ADAM32: variants seen among roughly 807,000 people sequenced by gnomAD.
ADAM32 encodes disintegrin and metalloproteinase domain-containing protein 32.
In ADAM32, 89 loss-of-function variants were observed where a neutral mutation model predicts 114.9. The observed-to-expected ratio is 0.77, with a 90% CI of 0.65 to 0.92. The LOEUF is 0.92. ADAM32 is among the 40% of genes least tolerant of loss of function. The pLI is 0.00. For missense variants in ADAM32, 870 were observed against 932.8 expected, an observed-to-expected ratio of 0.93 and a Z score of 0.88; for synonymous variants, 285 against 307.5, an observed-to-expected ratio of 0.93 and a Z score of 0.77.
chr8:39,282,031 A>C (rs1269242182), intron 23 of ADAM32, among the ~76,000 whole-genome samples: 1 of 152,214 alleles, frequency 6.6e-6, no homozygotes, highest in Non-Finnish European at 1.5e-5. Flanking sequence ...GTCTCCTAAC[A>C]TAAGCACCCT....
rs573711327 is a variant in ADAM32 at position 39,121,313 on chromosome 8, G to A, written c.138+3148G>A. On this transcript the variant is annotated intron_variant, in intron 2 of 24. Transcript: ENST00000379907. ...CTGTTTAACTTCTGGGATTCTACAG[G>A]ATAGGACGATAGAGTTGTCTGGCTT... 2.6e-5 allele frequency among the ~76,000 whole-genome samples: 4 copies of A among 152,280 alleles called. No individual in the cohort carries two copies. The South Asian group carries it at 8.3e-4, about 32-fold the overall frequency.
At chr8:39,232,355 A>T (rs1290778188) in intron 15 of ADAM32, among the ~76,000 whole-genome samples, 2 of 152,082 alleles carry the variant, frequency 1.3e-5, no homozygotes, top group East Asian at 3.9e-4. Context: ...TTATGTTTCT[A>T]AATCCAATCC....
At chr8:39,209,191 C>T (rs189112930) in intron 11 of ADAM32, among the ~76,000 whole-genome samples, 3 of 152,058 alleles carry the variant, frequency 2.0e-5, no homozygotes, top group African/African-American at 7.2e-5. Flanking sequence ...CTTTTTTCTT[C>T]TTGACATATT....
chr8:39,242,415 C>A (rs1321080448), intron 16 of ADAM32, among the ~76,000 whole-genome samples: 2 of 152,162 alleles, frequency 1.3e-5, no homozygotes, highest in African/African-American at 4.8e-5. Context: ...TAAAGACATA[C>A]CTGAGACTGG....
intron 20 of ADAM32, among the ~76,000 whole-genome samples, chr8:39,271,857 T>C (rs989716889): frequency 2.6e-5 from 4 of 151,600 alleles, no homozygotes; most frequent in African/African-American, 7.3e-5. Context: ...TGTTAGAAAA[T>C]AGTGAGAACT....
chr8:39,161,897 A>G (rs1804529527), intron 7 of ADAM32, among the ~76,000 whole-genome samples: 2 of 151,894 alleles, frequency 1.3e-5, no homozygotes, highest in Non-Finnish European at 2.9e-5. Flanking sequence ...TCCAGGGAAT[A>G]TTTTGGATTT....
chr8:39,276,505 T>C (rs1384117828), intron 22 of ADAM32, among the ~76,000 whole-genome samples: 1 of 152,206 alleles, frequency 6.6e-6, no homozygotes, highest in Non-Finnish European at 1.5e-5. Context: ...CTCTCTGAGT[T>C]ACAGTTTTTA....
chr8:39,211,101 C>G (rs967315174), intron 11 of ADAM32, 43 bp from the exon 12 acceptor site: 2 of 1,343,852 alleles, frequency 1.5e-6, no homozygotes, highest in African/African-American at 3.0e-5. Context: ...AAATGTGTTT[C>G]CAGAAGTATA....
At chr8:39,247,755 A>G (rs1811020300) in intron 17 of ADAM32, among the ~76,000 whole-genome samples, 1 of 147,250 alleles carries the variant, frequency 6.8e-6, no homozygotes, top group Non-Finnish European at 1.5e-5. Flanking sequence ...TAAAAAGTCT[A>G]TGCAATACCC....
intron 5 of ADAM32, 92 bp from the exon 6 acceptor site, chr8:39,151,285 A>G (rs1236765080): frequency 8.6e-7 from 1 of 1,157,448 alleles, no homozygotes; most frequent in African/African-American, 1.6e-5. Context: ...CTGGACTCAA[A>G]ACGTTTTATT....
intron 11 of ADAM32, among the ~76,000 whole-genome samples, chr8:39,198,107 A>AT (rs992686457): frequency 5.3e-5 from 8 of 150,166 alleles, no homozygotes; most frequent in Non-Finnish European, 1.0e-4. Flanking sequence ...CCTATAATCT[A>AT]TTTTTTTTCT....
At chr8:39,130,953 T>C (rs28826431) in intron 2 of ADAM32, 1 of 406,600 alleles carries the variant, frequency 2.5e-6, no homozygotes, top group African/African-American at 2.2e-5. Context: ...GGCAGGAGGA[T>C]GTCTTTTTTT....
intron 11 of ADAM32, among the ~76,000 whole-genome samples, chr8:39,191,841 T>A (rs1302004885): frequency 6.6e-6 from 1 of 152,156 alleles, no homozygotes; most frequent in Non-Finnish European, 1.5e-5. Flanking sequence ...ATGTACAGAA[T>A]GATTATTACC....
At chr8:39,169,038 A>G (rs1287848412) in intron 9 of ADAM32, 1 of 152,254 alleles carries the variant, frequency 6.6e-6, no homozygotes. Context: ...AGGGTTAGGT[A>G]TAAACAATAT....
intron 1 of ADAM32, among the ~76,000 whole-genome samples, chr8:39,113,393 G>A (rs553612646): frequency 9.2e-5 from 14 of 152,116 alleles, no homozygotes; most frequent in Admixed American, 3.9e-4. Flanking sequence ...CTTCTCTTGC[G>A]CTGGGTCCAA....
At chr8:39,186,603 A>G (rs999513273) in intron 10 of ADAM32, among the ~76,000 whole-genome samples, 1 of 152,230 alleles carries the variant, frequency 6.6e-6, no homozygotes, top group Non-Finnish European at 1.5e-5. Context: ...TATGGTCCAT[A>G]TAACCAACAG....
At chr8:39,231,943 A>T (rs1809761087) in intron 14 of ADAM32, 84 bp from the exon 15 acceptor site, 2 of 1,100,118 alleles carry the variant, frequency 1.8e-6, no homozygotes, top group African/African-American at 1.6e-5. Flanking sequence ...TAATGGAGAG[A>T]TAAAGGGAAT....
At chr8:39,108,338 G>C (rs1840014391) in intron 1 of ADAM32, 1 of 152,124 alleles carries the variant, frequency 6.6e-6, no homozygotes, top group Non-Finnish European at 1.5e-5. Context: ...TGTCGCCCAG[G>C]CTGGAGTGCA....
intron 3 of ADAM32, among the ~76,000 whole-genome samples, chr8:39,142,539 C>A (rs948001127): frequency 6.6e-6 from 1 of 152,208 alleles, no homozygotes; most frequent in African/African-American, 2.4e-5. Flanking sequence ...CCCCCACTCT[C>A]TTCTGGCTTG....
Sources: allele counts gnomAD v4.1 joint callset (sites outside exome capture counted in the v4.1 genomes callset), GRCh38; gene constraint gnomAD v4.1.1; transcripts MANE v1.5; gene names NCBI Gene and HGNC (gene_info 2026-07-23, HGNC 2026-07-21).